The following MOK variants were observed in gnomAD, a reference collection of about 807,000 sequenced individuals.
The protein encoded by MOK is MAPK/MAK/MRK overlapping kinase.
MOK carries 59 observed loss-of-function variants against 54.2 expected under a neutral mutation model. That is an observed-to-expected ratio of 1.09 (90% CI 0.88 to 1.35). MOK has a LOEUF of 1.35. Among genes scored for constraint, MOK ranks in the 40% most tolerant of loss-of-function variants. MOK has a pLI of 0.00. For synonymous variants in MOK, 210 were observed against 202.7 expected, an observed-to-expected ratio of 1.04 and a Z score of -0.31; for missense variants, 517 against 526.2, an observed-to-expected ratio of 0.98 and a Z score of 0.17.
At chr14:102,270,321 G>C (rs1003077453) in intron 2 of MOK, among the ~76,000 whole-genome samples, 1 of 152,214 alleles carries the variant, frequency 6.6e-6, no homozygotes, top group Non-Finnish European at 1.5e-5. Context: ...GTCCCCCTTG[G>C]CCGGGTACAG....
At chr14:102,261,269 A>T (rs1019944952) in intron 4 of MOK, among the ~76,000 whole-genome samples, 2 of 146,746 alleles carry the variant, frequency 1.4e-5, no homozygotes, top group African/African-American at 2.5e-5. Flanking sequence ...AAAAAAAAAA[A>T]TTAGCCAAGT....
intron 1 of MOK, among the ~76,000 whole-genome samples, chr14:102,302,081 C>T (rs971656197): frequency 6.7e-5 from 10 of 148,180 alleles, no homozygotes; most frequent in Admixed American, 1.4e-4. Flanking sequence ...TGTATACACA[C>T]ATATACTTTT....
In MOK at chr14:102,249,593, C is replaced by T. The variant is rs1426406984; in HGVS notation, c.590+1219G>A. ...GCGTGGTGGTGCATGCCTGTAATCC[C>T]AGCTACTTGGGGGGCTGAGGCAGGA... On this transcript the variant is annotated intron_variant, in intron 7 of 11. Coordinates refer to ENST00000361847, the MANE Select transcript of MOK (RefSeq NM_014226.3). The surrounding 1 kb of genome is among the most constrained non-coding windows in gnomAD (Gnocchi z 5.3). Among the ~76,000 whole-genome samples the T allele has an allele frequency of 1.3e-5, 2 of 152,136 alleles. No individual in the cohort carries two copies. Among genetic ancestry groups the T allele is most frequent in the Non-Finnish European group, 2.9e-5 (2 of 68,026 alleles).
At chr14:102,258,850 G>A (rs1262896430) in intron 4 of MOK, among the ~76,000 whole-genome samples, 9 of 152,220 alleles carry the variant, frequency 5.9e-5, no homozygotes, top group Non-Finnish European at 7.4e-5. Context: ...GGCAGATCAC[G>A]AGGTCAGGAG....
At chr14:102,287,920 C>T (rs8011796) in intron 1 of MOK, among the ~76,000 whole-genome samples, 3 of 150,136 alleles carry the variant, frequency 2.0e-5, no homozygotes, top group African/African-American at 7.5e-5. Context: ...GCAAGCTCTC[C>T]GCTTCCCGGG....
At chr14:102,271,375 A>G (rs1291370205) in intron 2 of MOK, among the ~76,000 whole-genome samples, 1 of 152,078 alleles carries the variant, frequency 6.6e-6, no homozygotes, top group African/African-American at 2.4e-5. Context: ...ATGTTATAAT[A>G]AACATCATTG....
At chr14:102,301,165 C>T (rs1480163979) in intron 1 of MOK, among the ~76,000 whole-genome samples, 1 of 152,144 alleles carries the variant, frequency 6.6e-6, no homozygotes, top group Non-Finnish European at 1.5e-5. Context: ...GAGAGACTTC[C>T]AGTAAGACCT....
intron 3 of MOK, 62 bp from the exon 4 acceptor site, chr14:102,263,678 A>T: frequency 8.8e-7 from 1 of 1,136,608 alleles, no homozygotes; most frequent in Non-Finnish European, 1.3e-6. Context: ...ATATAATCCA[A>T]TATTTAATTC....
chr14:102,247,844 G>A (rs2066208906), intron 7 of MOK, among the ~76,000 whole-genome samples: 1 of 152,184 alleles, frequency 6.6e-6, no homozygotes, highest in Admixed American at 6.5e-5. Flanking sequence ...GTCCCCCGAT[G>A]GCCAGCGTGG....
intron 1 of MOK, among the ~76,000 whole-genome samples, chr14:102,293,723 A>AAAAG: frequency 6.9e-6 from 1 of 145,164 alleles, no homozygotes; most frequent in Non-Finnish European, 1.5e-5. Flanking sequence ...AAAAAAAAAA[A>AAAAG]AAAGAAAAGA....
intron 4 of MOK, among the ~76,000 whole-genome samples, chr14:102,254,748 T>C (rs2066794893): frequency 6.6e-6 from 1 of 152,170 alleles, no homozygotes; most frequent in Non-Finnish European, 1.5e-5. Context: ...CAGCTACTAG[T>C]CTTGGGTCCT....
intron 1 of MOK, among the ~76,000 whole-genome samples, chr14:102,284,925 T>C (rs113879032): frequency 4.0e-5 from 6 of 151,640 alleles, no homozygotes; most frequent in African/African-American, 1.5e-4. Context: ...CTACTAAAAA[T>C]ACAAAAAATT....
downstream of MOK, among the ~76,000 whole-genome samples, chr14:102,221,337 C>T (rs1034163423): frequency 1.3e-5 from 2 of 152,228 alleles, no homozygotes; most frequent in African/African-American, 4.8e-5. This position sits in a 1 kb window ranked among gnomAD's most constrained non-coding sequence, Gnocchi z 4.8. Flanking sequence ...ACTTCCTGGA[C>T]ACCACATAGC....
At chr14:102,273,280 C>CAAAAAAAAAAAAAAA (rs760362999) in intron 2 of MOK, among the ~76,000 whole-genome samples, 2 of 89,628 alleles carry the variant, frequency 2.2e-5, no homozygotes, top group African/African-American at 3.4e-5. Flanking sequence ...CATACTAGAA[C>CAAAAAAAAAAAAAAA]AAAAAAAAAA....
intron 1 of MOK, among the ~76,000 whole-genome samples, chr14:102,297,209 T>G (rs970682726): frequency 2.6e-5 from 4 of 151,614 alleles, no homozygotes; most frequent in African/African-American, 9.7e-5. Flanking sequence ...TATAAAAAAA[T>G]TAGCAGGGTG....
intron 1 of MOK, among the ~76,000 whole-genome samples, chr14:102,298,969 G>A (rs1050024355): frequency 6.6e-6 from 1 of 152,044 alleles, no homozygotes; most frequent in African/African-American, 2.4e-5. Context: ...GTGAGACCAC[G>A]AACCCACCAG....
chr14:102,247,695 C>T (rs923383663), intron 7 of MOK, among the ~76,000 whole-genome samples: 2 of 152,194 alleles, frequency 1.3e-5, no homozygotes, highest in Non-Finnish European at 2.9e-5. Flanking sequence ...ATCACAGAGG[C>T]GTAGACCGAC....
In MOK at chr14:102,238,708, C is replaced by T. The variant is rs544814564; in HGVS notation, c.591-4919G>A. On this transcript the variant is annotated intron_variant, in intron 7 of 11. Coordinates refer to ENST00000361847, the MANE Select transcript of MOK (RefSeq NM_014226.3). This position sits in a 1 kb window ranked among gnomAD's most constrained non-coding sequence, Gnocchi z 4.8. The stretch of plus-strand genomic sequence containing the variant: ...AGCTAGACCTTCCCCAGGGCCAAAC[C>T]GACAAAATCCTGACATCTCTCCACC... Among the ~76,000 whole-genome samples, 3 of 152,234 alleles carry T rather than the reference C, an allele frequency of 2.0e-5. No homozygotes were observed. The highest frequency in any genetic ancestry group is 2.1e-4 in the South Asian group (1 of 4,812).
chr14:102,239,439 T>TACCCTTTCC (rs2065518516), intron 7 of MOK, among the ~76,000 whole-genome samples: 1 of 126,438 alleles, frequency 7.9e-6, no homozygotes, highest in African/African-American at 2.5e-5. Flanking sequence ...CTCCTTCTGA[T>TACCCTTTCC]TCTCAATTAG....
Sources: allele counts gnomAD v4.1 joint callset (sites outside exome capture counted in the v4.1 genomes callset), GRCh38; gene constraint gnomAD v4.1.1; non-coding constraint Gnocchi (gnomAD v3.1); transcripts MANE v1.5; gene names NCBI Gene and HGNC (gene_info 2026-07-23, HGNC 2026-07-21).